Variants in FRMD4B observed in about 807,000 individuals in gnomAD.
FRMD4B encodes the protein FERM domain-containing protein 4B.
FRMD4B carries 74 observed loss-of-function variants against 141.5 expected under a neutral mutation model. That is an observed-to-expected ratio of 0.52 (90% CI 0.43 to 0.63). FRMD4B has a LOEUF of 0.63. Among genes scored for constraint, FRMD4B ranks in the 30% least tolerant of loss-of-function variants. The pLI is 0.00. For synonymous variants in FRMD4B, 506 were observed against 467.9 expected, an observed-to-expected ratio of 1.08 and a Z score of -1.05; for missense variants, 1,366 against 1,253.4, an observed-to-expected ratio of 1.09 and a Z score of -1.36.
intron 1 of FRMD4B, among the ~76,000 whole-genome samples, chr3:69,459,966 G>T (rs985798973): frequency 5.9e-5 from 9 of 152,264 alleles, no homozygotes; most frequent in African/African-American, 1.9e-4. Flanking sequence ...TACATGAAAA[G>T]ACAGACTAAA....
At chr3:69,453,671 C>G (rs1434999581) in intron 1 of FRMD4B, among the ~76,000 whole-genome samples, 1 of 152,130 alleles carries the variant, frequency 6.6e-6, no homozygotes, top group East Asian at 1.9e-4. Context: ...GAGATGGGCA[C>G]ATGGCCTGGC....
chr3:69,389,191 G>A (rs551634369), upstream of FRMD4B, among the ~76,000 whole-genome samples: 44 of 151,806 alleles, frequency 2.9e-4, no homozygotes, highest in Non-Finnish European at 5.0e-4. Context: ...ACAACACCAC[G>A]CCAGGCTAAT....
At chr3:69,443,306 C>T (rs893307008) in intron 1 of FRMD4B, among the ~76,000 whole-genome samples, 1 of 152,162 alleles carries the variant, frequency 6.6e-6, no homozygotes, top group Non-Finnish European at 1.5e-5. Context: ...TTTGGGAGAG[C>T]GGCACATCCC....
chr3:69,215,017 C>T (rs1319526233), intron 11 of FRMD4B, among the ~76,000 whole-genome samples: 4 of 150,494 alleles, frequency 2.7e-5, no homozygotes, highest in Admixed American at 6.6e-5. Flanking sequence ...GGAGCTGGGA[C>T]TATACGCGCA....
At chr3:69,528,074 C>G (rs1413445390) in intron 1 of FRMD4B, among the ~76,000 whole-genome samples, 1 of 152,156 alleles carries the variant, frequency 6.6e-6, no homozygotes, top group Non-Finnish European at 1.5e-5. Flanking sequence ...CTTCCAGAAA[C>G]CCACAGCCCA....
intron 2 of FRMD4B, among the ~76,000 whole-genome samples, chr3:69,422,511 C>G (rs1314355976): frequency 6.6e-6 from 1 of 152,088 alleles, no homozygotes; most frequent in African/African-American, 2.4e-5. Context: ...ACTGCCTGTG[C>G]AAGAGCCTCC....
chr3:69,397,176 G>C (rs1460125541), intron 2 of FRMD4B, among the ~76,000 whole-genome samples: 3 of 152,116 alleles, frequency 2.0e-5, no homozygotes, highest in African/African-American at 7.2e-5. Context: ...ATACTACTCA[G>C]CCATAAAAAG....
chr3:69,505,755 C>T (rs1575594406), intron 1 of FRMD4B, among the ~76,000 whole-genome samples: 1 of 152,290 alleles, frequency 6.6e-6, no homozygotes, highest in East Asian at 1.9e-4. Context: ...AATTTGTTTT[C>T]TACATGCTGT....
intron 2 of FRMD4B, among the ~76,000 whole-genome samples, chr3:69,428,268 G>A (rs572135994): frequency 6.6e-6 from 1 of 151,484 alleles, no homozygotes; most frequent in Non-Finnish European, 1.5e-5. Context: ...GTGACCTGGG[G>A]CATGTTACAT....
upstream of FRMD4B, among the ~76,000 whole-genome samples, chr3:69,388,847 TAAA>T: frequency 1.3e-5 from 2 of 152,296 alleles, no homozygotes; most frequent in South Asian, 4.1e-4. Flanking sequence ...TGTGGGTTTT[TAAA>T]ATGATAGATT....
chr3:69,334,390 T>A (rs576016603), intron 1 of FRMD4B: 1 of 150,918 alleles, frequency 6.6e-6, no homozygotes, highest in African/African-American at 2.4e-5. Flanking sequence ...TCCCAGGACT[T>A]TGGGAGGCGG....
At chr3:69,503,507 G>A (rs1181162927) in intron 1 of FRMD4B, among the ~76,000 whole-genome samples, 2 of 129,024 alleles carry the variant, frequency 1.6e-5, no homozygotes, top group Non-Finnish European at 3.2e-5. Context: ...GACACAGGAA[G>A]GGGAACATCA....
intron 2 of FRMD4B, among the ~76,000 whole-genome samples, chr3:69,417,770 A>C (rs1312032288): frequency 1.3e-5 from 2 of 152,202 alleles, no homozygotes; most frequent in Non-Finnish European, 2.9e-5. Flanking sequence ...ACAGTTCTGG[A>C]GGTCAGAAAT....
chr3:69,221,324 T>G (rs138161024), intron 9 of FRMD4B, among the ~76,000 whole-genome samples: 83 of 152,332 alleles, frequency 5.4e-4, no homozygotes, highest in African/African-American at 1.9e-3. Flanking sequence ...TACAATGGCT[T>G]GTTGTTAGTA....
chr3:69,236,626 C>A (rs866584936), intron 7 of FRMD4B, among the ~76,000 whole-genome samples: 5 of 152,176 alleles, frequency 3.3e-5, no homozygotes, highest in African/African-American at 9.7e-5. Flanking sequence ...CAAACTGCTA[C>A]AGGTGAGAAG....
chr3:69,314,368 A>G (rs1701734237), intron 1 of FRMD4B, among the ~76,000 whole-genome samples: 1 of 150,164 alleles, frequency 6.7e-6, no homozygotes, highest in Admixed American at 6.7e-5. Flanking sequence ...TCTCTACTAA[A>G]ACTACAAAAA....
intron 1 of FRMD4B, among the ~76,000 whole-genome samples, chr3:69,465,238 T>C (rs1223310481): frequency 6.6e-6 from 1 of 150,418 alleles, no homozygotes; most frequent in African/African-American, 2.5e-5. Flanking sequence ...GAGAATGGCA[T>C]GAACCCAGGA....
At position 69,522,283 on chromosome 3, in the gene FRMD4B, C is replaced by CG. The variant is rs559462712; in HGVS notation, c.-129+19922_-129+19923insC. ...GGAGGAGAGAAATTTTGATTCATAA[C>CG]TTTTTTTCTAGTGAGTCAGCCAAGC... On this transcript the variant is annotated intron_variant, in intron 1 of 5. Coordinates refer to the FRMD4B transcript ENST00000459638. Among the ~76,000 whole-genome samples the CG allele has an allele frequency of 3.2e-3, 480 of 152,132 alleles. 5 individuals are homozygous for CG. Among genetic ancestry groups the CG allele is most frequent in the African/African-American group, 0.011 (452 of 41,502 alleles).
At chr3:69,202,611 G>A (rs768742238) in intron 11 of FRMD4B, among the ~76,000 whole-genome samples, 1 of 152,024 alleles carries the variant, frequency 6.6e-6, no homozygotes, top group Non-Finnish European at 1.5e-5. Context: ...AATTGTCTAT[G>A]TGGCACCTAC....
Sources: gnomAD v4.1 joint callset for allele counts (sites outside exome capture counted in the v4.1 genomes callset) on GRCh38, gnomAD v4.1.1 for gene constraint, MANE v1.5 for transcripts, NCBI Gene and HGNC (gene_info 2026-07-23, HGNC 2026-07-21) for gene names.